The following MALRD1 variants were observed in gnomAD, a reference collection of about 807,000 sequenced individuals.
MALRD1 encodes the protein MAM and LDL receptor class A domain containing 1.
Under a neutral mutation model 242.1 loss-of-function variants are expected in MALRD1, and 247 were observed. The observed-to-expected ratio is 1.02, with a 90% CI of 0.92 to 1.13. MALRD1 has a LOEUF of 1.13. Ranked by LOEUF, MALRD1 falls within the 50% of genes most tolerant of loss-of-function variation. MALRD1 has a pLI of 0.00. For synonymous variants in MALRD1, 995 were observed against 866.6 expected, an observed-to-expected ratio of 1.15 and a Z score of -2.60; for missense variants, 2,989 against 2,533.1, an observed-to-expected ratio of 1.18 and a Z score of -3.86.
At chr10:19,315,181 T>C (rs1318291609) in intron 21 of MALRD1, among the ~76,000 whole-genome samples, 4 of 131,392 alleles carry the variant, frequency 3.0e-5, no homozygotes, top group South Asian at 2.2e-4. Context: ...TTTATATAAA[T>C]ATATAAATAT....
At chr10:19,120,623 A>AG (rs149310925) in intron 5 of MALRD1, among the ~76,000 whole-genome samples, 11,248 of 152,222 alleles carry the variant, frequency 0.074, 493 homozygotes, top group South Asian at 0.13. Flanking sequence ...CTGCCAGGGT[A>AG]GGGGGAGAAG....
At chr10:19,278,571 T>C (rs1160994920) in intron 19 of MALRD1, among the ~76,000 whole-genome samples, 1 of 152,166 alleles carries the variant, frequency 6.6e-6, no homozygotes, top group South Asian at 2.1e-4. Flanking sequence ...GGTCCATGAA[T>C]TGTGCTATGG....
At chr10:19,497,334 A>G (rs1837767152) in intron 30 of MALRD1, among the ~76,000 whole-genome samples, 1 of 150,424 alleles carries the variant, frequency 6.6e-6, no homozygotes, top group Non-Finnish European at 1.5e-5. Flanking sequence ...GACAAACACA[A>G]AAAAGGCACA....
chr10:19,536,604 A>G (rs1834686578), intron 32 of MALRD1, among the ~76,000 whole-genome samples: 1 of 151,838 alleles, frequency 6.6e-6, no homozygotes, highest in African/African-American at 2.4e-5. Context: ...TAGTTTAGCT[A>G]CTCTAAACTT....
chr10:19,498,562 C>G lies in MALRD1; in HGVS notation c.5236C>G (p.Gln1746Glu). 1 of 1,550,202 alleles carries G rather than the reference C, an allele frequency of 6.5e-7. No homozygotes were observed. The highest frequency in any genetic ancestry group is 8.7e-7 in the Non-Finnish European group (1 of 1,146,812). Residue 1746 changes from glutamine to glutamate, a missense_variant, in exon 31 of 40, where the codon CAA becomes GAA. Transcript: ENST00000454679. ...GNWTTACSLT[Q>E]DSEDDLDWAI... ...CTGGACCACAGCCTGCAGTCTTACT[C>G]AAGACTCTGAGGATGACTTGGACTG...
chr10:19,475,767 C>T (rs1159569309), intron 29 of MALRD1, among the ~76,000 whole-genome samples: 1 of 152,292 alleles, frequency 6.6e-6, no homozygotes, highest in East Asian at 1.9e-4. Flanking sequence ...TAACTGTGTT[C>T]TGCAGTGACC....
At chr10:19,640,529 G>A (rs940776903) in intron 36 of MALRD1, among the ~76,000 whole-genome samples, 13 of 152,002 alleles carry the variant, frequency 8.6e-5, no homozygotes, top group Admixed American at 2.6e-4. Context: ...TGTCTGTGGG[G>A]AATTTCAAAA....
chr10:19,641,419 ATACT>A (rs1319003555), intron 36 of MALRD1, among the ~76,000 whole-genome samples: 1 of 152,186 alleles, frequency 6.6e-6, no homozygotes, highest in Non-Finnish European at 1.5e-5. Context: ...GTAGTGGGTA[ATACT>A]TTATTTTAAA....
chr10:19,492,140 A>G (rs1054580049), intron 30 of MALRD1, among the ~76,000 whole-genome samples: 4 of 152,272 alleles, frequency 2.6e-5, no homozygotes, highest in Non-Finnish European at 5.9e-5. Flanking sequence ...TTGTATTTTT[A>G]TTCAAGCTTT....
intron 24 of MALRD1, among the ~76,000 whole-genome samples, chr10:19,339,037 TAC>T (rs140158192): frequency 0.077 from 11,418 of 148,876 alleles, 889 homozygotes; most frequent in African/African-American, 0.21. Flanking sequence ...AGGGTGACTA[TAC>T]ACACACACAC....
chr10:19,175,118 TA>T (rs1408483986), intron 13 of MALRD1, 89 bp from the exon 14 acceptor site: 1 of 936,426 alleles, frequency 1.1e-6, no homozygotes, highest in East Asian at 3.5e-5. Context: ...GGGACAGATG[TA>T]AATAGGGTTC....
intron 19 of MALRD1, among the ~76,000 whole-genome samples, chr10:19,263,676 A>G (rs1041337995): frequency 1.3e-5 from 2 of 152,034 alleles, no homozygotes; most frequent in African/African-American, 2.4e-5. Flanking sequence ...CTTTAATACC[A>G]CTTATTGAAG....
chr10:19,308,344 C>T (rs1454014824), intron 21 of MALRD1, among the ~76,000 whole-genome samples: 2 of 151,470 alleles, frequency 1.3e-5, no homozygotes, highest in Admixed American at 1.3e-4. Context: ...ATTCAATATC[C>T]TCCTCCTATG....
intron 36 of MALRD1, among the ~76,000 whole-genome samples, chr10:19,683,630 C>T (rs888528733): frequency 6.6e-6 from 1 of 152,036 alleles, no homozygotes; most frequent in East Asian, 1.9e-4. Context: ...CAGGATGAGG[C>T]TTAATGTGAT....
intron 33 of MALRD1, among the ~76,000 whole-genome samples, chr10:19,571,437 G>T (rs1438530989): frequency 6.6e-6 from 1 of 152,060 alleles, no homozygotes; most frequent in Non-Finnish European, 1.5e-5. Flanking sequence ...TATCTTTGAA[G>T]TGTTAGTACT....
chr10:19,327,428 T>G (rs1843179333), intron 22 of MALRD1, 135 bp from the exon 23 acceptor site: 1 of 606,314 alleles, frequency 1.6e-6, no homozygotes. Context: ...TAATAAAAAA[T>G]ATCTTAGCTC....
At chr10:19,692,089 A>G (rs1243027249) in intron 36 of MALRD1, among the ~76,000 whole-genome samples, 193 bp from the exon 37 acceptor site, 1 of 152,158 alleles carries the variant, frequency 6.6e-6, no homozygotes, top group African/African-American at 2.4e-5. Context: ...ATTATCTTAC[A>G]CAATGATATG....
chr10:19,479,844 C>G (rs1836907056), intron 29 of MALRD1, among the ~76,000 whole-genome samples: 1 of 152,136 alleles, frequency 6.6e-6, no homozygotes, highest in Non-Finnish European at 1.5e-5. Context: ...CATGACTTTT[C>G]CATCCACGTG....
intron 38 of MALRD1, among the ~76,000 whole-genome samples, chr10:19,729,972 C>A (rs1009922432): frequency 1.3e-5 from 2 of 151,780 alleles, no homozygotes; most frequent in Non-Finnish European, 2.9e-5. Flanking sequence ...CTCCTGACCT[C>A]GTGATCCGCC....
Sources: allele counts gnomAD v4.1 joint callset (sites outside exome capture counted in the v4.1 genomes callset), GRCh38; gene constraint gnomAD v4.1.1; transcripts MANE v1.5; gene names NCBI Gene and HGNC (gene_info 2026-07-23, HGNC 2026-07-21).